Variants in CCDC40 observed in about 807,000 individuals in gnomAD.
The protein encoded by CCDC40 is coiled-coil domain 40 molecular ruler complex subunit, also known as coiled-coil domain-containing protein 40.
CCDC40 carries 104 observed loss-of-function variants against 124.5 expected under a neutral mutation model. That is an observed-to-expected ratio of 0.84 (90% CI 0.71 to 0.98). The LOEUF (loss-of-function observed/expected upper bound fraction) is 0.98, where lower values mean the gene tolerates loss of function less well. CCDC40 is among the 50% of genes least tolerant of loss of function. The probability of loss-of-function intolerance (pLI) is 0.00; values close to 1 mark genes in which losing one functional copy is unlikely to be tolerated. For missense variants in CCDC40, 1,463 were observed against 1,503.9 expected (o/e 0.97, Z 0.45); for synonymous variants, 580 against 602.9 (o/e 0.96, Z 0.56).
At position 80,099,782 on chromosome 17, in the gene CCDC40, G is replaced by A. The variant is rs1420332205; in HGVS notation, c.*7G>A. On this transcript the variant is annotated 3_prime_UTR_variant, in exon 20 of 20. Transcript: ENST00000397545. ...GTCACCAGGGCCCTCCTAGGGAGCA[G>A]CCTGGACTCCGCCTTGCAAGGCCTC... 6.2e-7 allele frequency: 1 copy of A among 1,612,348 alleles called. No homozygotes were observed. Among genetic ancestry groups the A allele is most frequent in the Non-Finnish European group, 8.5e-7 (1 of 1,179,840 alleles).
In CCDC40 at chr17:80,041,592, A is replaced by G. The variant is rs562826315; in HGVS notation, c.552+1322A>G. On this transcript the variant is annotated intron_variant, in intron 3 of 19. Coordinates refer to ENST00000397545, the MANE Select transcript of CCDC40 (RefSeq NM_017950.4). Reference sequence around the variant, plus strand: ...CATTCAGGGTTCACCAAATGTCCCAATGATGTCTTTTGTAGCAAAGAGATT... The same window carrying G: ...CATTCAGGGTTCACCAAATGTCCCAGTGATGTCTTTTGTAGCAAAGAGATT... Among the ~76,000 whole-genome samples the G allele has an allele frequency of 3.3e-5, 5 of 152,222 alleles. No homozygotes were observed. In the South Asian group the frequency reaches 6.2e-4, roughly 19 times the overall value.
chr17:80,087,571 TG>T lies in CCDC40; in HGVS notation c.2450-32del. On this transcript the variant is annotated intron_variant, in intron 14 of 19. Coordinates refer to ENST00000397545, the MANE Select transcript of CCDC40 (RefSeq NM_017950.4). The surrounding 1 kb of genome is among the most constrained non-coding windows in gnomAD (Gnocchi z 4.5). Reference sequence around the variant, plus strand: ...CTGCGGGCGAGGACCCGTACCCTCCTGGGGTCTCTCCCTGAGTCTCTGTTTT... The same window carrying T: ...CTGCGGGCGAGGACCCGTACCCTCCTGGGTCTCTCCCTGAGTCTCTGTTTT... 1.2e-6 allele frequency: 2 copies of T among 1,601,382 alleles called. No homozygotes were observed. Among genetic ancestry groups the T allele is most frequent in the Non-Finnish European group, 1.7e-6 (2 of 1,168,874 alleles).
At chr17:80,037,681 T>C (rs1006542773) in intron 1 of CCDC40, among the ~76,000 whole-genome samples, 2 of 32,970 alleles carry the variant, frequency 6.1e-5, no homozygotes, top group African/African-American at 2.1e-4. Flanking sequence ...TCTTTAATTT[T>C]TTAAAAAAGA....
intron 16 of CCDC40, 60 bp downstream of exon 16, chr17:80,088,162 G>A: frequency 2.6e-6 from 3 of 1,173,122 alleles, no homozygotes; most frequent in Non-Finnish European, 3.8e-6. Flanking sequence ...ACAGGCCTCT[G>A]TCCGTTGAAG....
rs2038587695 is a variant in CCDC40, at chr17:80,086,304, C to T, written c.2449+88C>T. 2 of 1,086,270 alleles carry T rather than the reference C, an allele frequency of 1.8e-6. No individual in the cohort carries two copies. The highest frequency in any genetic ancestry group is 2.8e-6 in the Non-Finnish European group (2 of 726,598). 67.3% of individuals were successfully genotyped at this position (1,086,270 alleles called of 1,614,324 possible). On this transcript the variant is annotated intron_variant, in intron 14 of 19. Transcript: ENST00000397545. This position sits in a 1 kb window ranked among gnomAD's most constrained non-coding sequence, Gnocchi z 5.5. Reference sequence around the variant, plus strand: ...CCCAGGGGAGGGGCACTCAGTGGGGCACGTCGCTGGATTTGCACGCAGCCT... The same window carrying T: ...CCCAGGGGAGGGGCACTCAGTGGGGTACGTCGCTGGATTTGCACGCAGCCT...
At chr17:80,099,261 A>T (rs2038868938) in intron 19 of CCDC40, among the ~76,000 whole-genome samples, 1 of 151,874 alleles carries the variant, frequency 6.6e-6, no homozygotes, top group Non-Finnish European at 1.5e-5. Flanking sequence ...GCTGCACTCC[A>T]GCCTGGGCGA....
At chr17:80,099,290 CAA>C (rs879645135) in intron 19 of CCDC40, among the ~76,000 whole-genome samples, 3 of 143,210 alleles carry the variant, frequency 2.1e-5, no homozygotes, top group African/African-American at 2.6e-5. Context: ...GACTCCATCT[CAA>C]AAAAAAAAAA....
In CCDC40 at chr17:80,100,493, C is replaced by T. The variant is rs960091797; in HGVS notation, c.*718C>T. 4.6e-5 allele frequency: 7 copies of T among 152,358 alleles called. No individual in the cohort carries two copies. The highest frequency in any genetic ancestry group is 1.7e-4 in the African/African-American group (7 of 41,446). 9.4% of individuals were successfully genotyped at this position (152,358 alleles called of 1,614,324 possible). The stretch of plus-strand genomic sequence containing the variant: ...TAACCCAGCGCTCTTTCTCCCTGGA[C>T]TTCCAAGTACCAATGACCTTGGGGC... On this transcript the variant is annotated 3_prime_UTR_variant, in exon 20 of 20. Transcript: ENST00000397545.
intron 13 of CCDC40, among the ~76,000 whole-genome samples, chr17:80,085,242 C>T (rs1232814840): frequency 6.6e-6 from 1 of 152,210 alleles, no homozygotes; most frequent in African/African-American, 2.4e-5. Context: ...GCCTCCATAG[C>T]GAGAAGGAGC....
At chr17:80,037,688 A>AGATATATATATATAT (rs1555889124) in intron 1 of CCDC40, among the ~76,000 whole-genome samples, 12 of 45,672 alleles carry the variant, frequency 2.6e-4, no homozygotes, top group African/African-American at 7.1e-4. Context: ...TTTTTTAAAA[A>AGATATATATATATAT]AGATATACAT....
intron 9 of CCDC40, among the ~76,000 whole-genome samples, chr17:80,062,941 C>G (rs1003054818): frequency 2.0e-5 from 3 of 152,048 alleles, no homozygotes; most frequent in African/African-American, 7.2e-5. Context: ...CACCTGTAAT[C>G]CCAGCACTTT....
At chr17:80,046,204 T>C (rs898677359) in intron 3 of CCDC40, among the ~76,000 whole-genome samples, 1 of 152,088 alleles carries the variant, frequency 6.6e-6, no homozygotes, top group African/African-American at 2.4e-5. Context: ...TTTGCAAATG[T>C]CCAAAATGGA....
chr17:80,049,972 C>A lies in CCDC40; in HGVS notation c.922C>A (p.Leu308Met), dbSNP rs1331751235. The A allele has an allele frequency of 6.2e-7, 1 of 1,614,112 alleles. No homozygotes were observed. The highest frequency in any genetic ancestry group is 8.5e-7 in the Non-Finnish European group (1 of 1,180,008). Residue 308 changes from leucine (L) to methionine (M), a missense_variant, in exon 6 of 20, where the codon CTG becomes ATG. Leu to Met is a conservative substitution (Grantham distance 15). Transcript: ENST00000397545. ...GAACCGACAGATCGAAAAGTTGAAG[C>A]TGGACCTCCAAGAGCTGGTGTGTAT... is the stretch of plus-strand genomic sequence containing the variant. ...YLNRQIEKLK[L>M]DLQELVVATK...
chr17:80,066,403 C>T lies in CCDC40; in HGVS notation c.1562+797C>T. 1 of 541,016 alleles carries T rather than the reference C, an allele frequency of 1.8e-6. No individual in the cohort carries two copies. Among genetic ancestry groups the T allele is most frequent in the Non-Finnish European group, 3.3e-6 (1 of 304,706 alleles). 33.5% of individuals were successfully genotyped at this position (541,016 alleles called of 1,614,324 possible). On this transcript the variant is annotated intron_variant, in intron 10 of 19. Coordinates refer to ENST00000397545, the MANE Select transcript of CCDC40 (RefSeq NM_017950.4). The surrounding 1 kb of genome is among the most constrained non-coding windows in gnomAD (Gnocchi z 4.4). ...TGTGATTAAAGAAACAAAATGAAAC[C>T]ATTTTGTTTTTAAAAGTTTTTAGAC...
intron 10 of CCDC40, among the ~76,000 whole-genome samples, chr17:80,069,807 AG>A (rs2038146106): frequency 6.8e-6 from 1 of 147,726 alleles, no homozygotes; most frequent in Admixed American, 6.6e-5. Context: ...AGAGAGAGAG[AG>A]AAAAAAAGAA....
chr17:80,036,761 G>GC, intron 1 of CCDC40, 70 bp downstream of exon 1: 2 of 1,405,636 alleles, frequency 1.4e-6, no homozygotes, highest in Non-Finnish European at 9.4e-7. Context: ...GCTCCAGGTG[G>GC]CCCCCGCGTC....
At chr17:80,076,167 C>T (rs1022725273) in intron 10 of CCDC40, among the ~76,000 whole-genome samples, 2 of 152,132 alleles carry the variant, frequency 1.3e-5, no homozygotes, top group Non-Finnish European at 1.5e-5. Flanking sequence ...GAAGGTCTTG[C>T]GTGGGTAAAA....
chr17:80,095,170 C>A, intron 17 of CCDC40, 93 bp from the exon 18 acceptor site: 1 of 1,191,732 alleles, frequency 8.4e-7, no homozygotes, highest in Non-Finnish European at 1.2e-6. Context: ...ATGCGTGTCA[C>A]CGGAGGATGA....
intron 10 of CCDC40, among the ~76,000 whole-genome samples, chr17:80,071,042 G>A (rs1408220875): frequency 1.3e-5 from 2 of 152,204 alleles, no homozygotes; most frequent in African/African-American, 4.8e-5. Flanking sequence ...GCAATCCAAC[G>A]TGGGTCCCAA....
Sources: allele counts gnomAD v4.1 joint callset (sites outside exome capture counted in the v4.1 genomes callset), GRCh38; gene constraint gnomAD v4.1.1; non-coding constraint Gnocchi (gnomAD v3.1); transcripts MANE v1.5; gene names NCBI Gene and HGNC (gene_info 2026-07-23, HGNC 2026-07-21).